The following UBE2E2 variants were observed in gnomAD, a reference collection of about 807,000 sequenced individuals.
UBE2E2 encodes the protein ubiquitin conjugating enzyme E2 E2, also known as ubiquitin-conjugating enzyme E2 E2.
UBE2E2 carries 6 observed loss-of-function variants against 24.7 expected under a neutral mutation model. That is an observed-to-expected ratio of 0.24 (90% CI 0.13 to 0.48). UBE2E2 has a LOEUF of 0.48. UBE2E2 is among the 20% of genes least tolerant of loss of function. UBE2E2 has a pLI of 0.99. For missense variants in UBE2E2, 169 were observed against 245.0 expected, an observed-to-expected ratio of 0.69 and a Z score of 2.07; for synonymous variants, 104 against 83.6, an observed-to-expected ratio of 1.24 and a Z score of -1.33.
At chr3:23,305,499 G>C (rs1699216801) in intron 3 of UBE2E2, among the ~76,000 whole-genome samples, 1 of 152,168 alleles carries the variant, frequency 6.6e-6, no homozygotes, top group South Asian at 2.1e-4. Context: ...AGTTTTACCT[G>C]CTGTTGTTTT....
chr3:23,249,715 G>A (rs1207833258), intron 3 of UBE2E2, among the ~76,000 whole-genome samples: 1 of 151,962 alleles, frequency 6.6e-6, no homozygotes, highest in African/African-American at 2.4e-5. Flanking sequence ...GAGTGCAGTG[G>A]CATGATCTCG....
intron 4 of UBE2E2, among the ~76,000 whole-genome samples, chr3:23,500,500 A>T (rs992234665): frequency 5.3e-5 from 8 of 152,204 alleles, no homozygotes; most frequent in Non-Finnish European, 7.3e-5. Flanking sequence ...CTCCATTAGC[A>T]TTTGTTCTCC....
intron 3 of UBE2E2, among the ~76,000 whole-genome samples, chr3:23,261,011 G>C (rs944666637): frequency 2.0e-5 from 3 of 152,154 alleles, no homozygotes; most frequent in African/African-American, 4.8e-5. Flanking sequence ...GCTGATGTGG[G>C]AGGATCTCTT....
chr3:23,423,814 C>G (rs1161279460), intron 3 of UBE2E2, among the ~76,000 whole-genome samples: 1 of 152,150 alleles, frequency 6.6e-6, no homozygotes. Flanking sequence ...TCCTAAATCT[C>G]CGATCAGTAG....
intron 3 of UBE2E2, among the ~76,000 whole-genome samples, chr3:23,277,536 C>G (rs1019775206): frequency 1.3e-5 from 2 of 152,052 alleles, no homozygotes; most frequent in Non-Finnish European, 1.5e-5. Context: ...AAGTATTTCT[C>G]TAAGAAATAG....
chr3:23,544,393 A>T (rs2125494228), intron 5 of UBE2E2, among the ~76,000 whole-genome samples: 1 of 152,332 alleles, frequency 6.6e-6, no homozygotes, highest in East Asian at 1.9e-4. Context: ...GACAAATGAC[A>T]TGAATAGACA....
chr3:23,205,032 G>T (rs1238538529), intron 1 of UBE2E2, among the ~76,000 whole-genome samples: 1 of 152,116 alleles, frequency 6.6e-6, no homozygotes, highest in East Asian at 1.9e-4. Context: ...GAACATGTGA[G>T]TTTCATTCAC....
intron 3 of UBE2E2, among the ~76,000 whole-genome samples, chr3:23,426,385 T>C (rs2125396112): frequency 6.8e-6 from 1 of 148,130 alleles, no homozygotes; most frequent in Non-Finnish European, 1.5e-5. Flanking sequence ...AAACCACAGA[T>C]TCAGGAAGCT....
chr3:23,531,427 TTAG>T (rs2125484390), intron 4 of UBE2E2, among the ~76,000 whole-genome samples: 1 of 152,330 alleles, frequency 6.6e-6, no homozygotes, highest in East Asian at 1.9e-4. Flanking sequence ...TTAAACAGTT[TTAG>T]TAGTTATAAA....
chr3:23,263,949 T>C (rs189761617), intron 3 of UBE2E2, among the ~76,000 whole-genome samples: 1 of 152,332 alleles, frequency 6.6e-6, no homozygotes, highest in East Asian at 1.9e-4. Context: ...ACTAAGTTTT[T>C]TTGTACTTCG....
chr3:23,217,196 T>G (rs980207678), intron 2 of UBE2E2, 66 bp from the exon 3 acceptor site: 1 of 1,394,122 alleles, frequency 7.2e-7, no homozygotes, highest in African/African-American at 1.4e-5. Context: ...ATGTAACGTT[T>G]TAATGAAATA....
intron 3 of UBE2E2, among the ~76,000 whole-genome samples, chr3:23,317,737 T>A (rs1694625173): frequency 6.6e-6 from 1 of 152,058 alleles, no homozygotes; most frequent in Admixed American, 6.5e-5. Flanking sequence ...CCTGCCCCCA[T>A]GACTCAATTA....
intron 3 of UBE2E2, among the ~76,000 whole-genome samples, chr3:23,488,791 TG>T (rs1365094003): frequency 1.3e-5 from 2 of 151,924 alleles, no homozygotes; most frequent in African/African-American, 4.8e-5. Flanking sequence ...AGGTGGGAGG[TG>T]GGGGCGGAAT....
At chr3:23,206,379 T>A (rs930854496) in intron 1 of UBE2E2, among the ~76,000 whole-genome samples, 10 of 152,260 alleles carry the variant, frequency 6.6e-5, no homozygotes, top group African/African-American at 2.4e-4. Context: ...TTACGACTTT[T>A]AGAGCTAGAT....
intron 3 of UBE2E2, among the ~76,000 whole-genome samples, chr3:23,272,307 C>T (rs1241739506): frequency 6.7e-6 from 1 of 149,126 alleles, no homozygotes; most frequent in African/African-American, 2.4e-5. Context: ...AGTGTGGGGC[C>T]TGCCAAGCCC....
intron 3 of UBE2E2, among the ~76,000 whole-genome samples, chr3:23,320,238 G>A (rs1266431857): frequency 2.0e-5 from 3 of 152,168 alleles, no homozygotes; most frequent in Admixed American, 6.5e-5. Flanking sequence ...TCTTCCCTGT[G>A]TCCATTGAAG....
At chr3:23,526,529 A>G (rs536230990) in intron 4 of UBE2E2, among the ~76,000 whole-genome samples, 15 of 152,212 alleles carry the variant, frequency 9.9e-5, no homozygotes, top group Non-Finnish European at 1.9e-4. Context: ...TTGAAAGACA[A>G]TACTTTCATG....
chr3:23,524,976 A>G (rs748853907), intron 4 of UBE2E2, among the ~76,000 whole-genome samples: 16 of 152,104 alleles, frequency 1.1e-4, no homozygotes, highest in African/African-American at 3.6e-4. Context: ...TTATAGTCTT[A>G]TAGTTCCGTG....
intron 3 of UBE2E2, among the ~76,000 whole-genome samples, chr3:23,334,668 G>C (rs142178733): frequency 2.0e-5 from 3 of 152,164 alleles, no homozygotes; most frequent in Non-Finnish European, 4.4e-5. Flanking sequence ...TCAGTAAGCT[G>C]TACTAGCATA....
Sources: gnomAD v4.1 joint callset for allele counts (sites outside exome capture counted in the v4.1 genomes callset) on GRCh38, gnomAD v4.1.1 for gene constraint, MANE v1.5 for transcripts, NCBI Gene and HGNC (gene_info 2026-07-23, HGNC 2026-07-21) for gene names.